CCDC27: variants seen among roughly 807,000 people sequenced by gnomAD.
The protein encoded by CCDC27 is coiled-coil domain containing 27, also known as coiled-coil domain-containing protein 27.
A neutral mutation model predicts 80.3 loss-of-function variants in CCDC27; 80 were observed. The ratio of observed to expected loss-of-function variants is 1.00; its 90% confidence interval spans 0.83 to 1.20. The LOEUF (loss-of-function observed/expected upper bound fraction) is 1.20, where lower values mean the gene tolerates loss of function less well. CCDC27 is among the 50% of genes most tolerant of loss of function. The probability of loss-of-function intolerance (pLI) is 0.00; values close to 1 mark genes in which losing one functional copy is unlikely to be tolerated. For missense variants in CCDC27, 815 were observed against 809.4 expected (o/e 1.01, Z -0.08); for synonymous variants, 342 against 334.3 (o/e 1.02, Z -0.25).
intron 4 of CCDC27, among the ~76,000 whole-genome samples, chr1:3,757,587 G>A (rs959860720): frequency 7.9e-5 from 12 of 151,842 alleles, no homozygotes; most frequent in African/African-American, 2.9e-4. Flanking sequence ...GACTACAGGT[G>A]CGTACCACCA....
rs868489245 is a variant in CCDC27, at chr1:3,763,191, G to T, written c.1038G>T (p.Glu346Asp). 3 of 1,514,814 alleles carry T rather than the reference G, an allele frequency of 2.0e-6. No homozygotes were observed. The highest frequency in any genetic ancestry group is 2.7e-6 in the Non-Finnish European group (3 of 1,128,372). The allele number at this position is 1,514,814 out of a possible 1,614,324, so 93.8% of individuals were successfully genotyped here. A position where few individuals can be genotyped will look rare whatever the true frequency, so the allele number is the denominator to read the frequency against. ...GGEEDEGLEG[E>D]PDGVEDTGAW... ...AGGAGGACGAGGGCCTGGAAGGGGA[G>T]CCCGATGGGGTGGAGGACACGGGTG... Residue 346 changes from glutamate (E) to aspartate (D), a missense_variant, in exon 7 of 12, where the codon GAG (glutamate) becomes GAT (aspartate). Physicochemically the swap from Glu to Asp is conservative, Grantham distance 45. Coordinates refer to ENST00000294600, the MANE Select transcript of CCDC27 (RefSeq NM_152492.3). This position sits in a 1 kb window ranked among gnomAD's most constrained non-coding sequence, Gnocchi z 7.5.
In CCDC27 at chr1:3,752,725, G is replaced by A; in HGVS notation, c.244G>A (p.Glu82Lys). ...SMASRDARCP[E>K]WKPHQKPRTL... Reference sequence around the variant, plus strand: ...GGCCAGCCGGGACGCCCGGTGCCCAGAATGGAAACCGCACCAAAAGCCACG... The same window carrying A: ...GGCCAGCCGGGACGCCCGGTGCCCAAAATGGAAACCGCACCAAAAGCCACG... The change falls in exon 1 of 12, where the codon GAA becomes AAA. Residue 82 changes from glutamate (E) to lysine (K), a missense_variant. Transcript: ENST00000294600. 1 of 1,613,868 alleles carries A rather than the reference G, an allele frequency of 6.2e-7. No homozygotes were observed. The highest frequency in any genetic ancestry group is 8.5e-7 in the Non-Finnish European group (1 of 1,180,050).
In CCDC27 at chr1:3,766,659, A is replaced by T; in HGVS notation, c.1530+47A>T. The T allele has an allele frequency of 6.6e-7, 1 of 1,516,094 alleles. No homozygotes were observed. The highest frequency in any genetic ancestry group is 9.1e-7 in the Non-Finnish European group (1 of 1,094,426). The allele number at this position is 1,516,094 out of a possible 1,614,324, so 93.9% of individuals were successfully genotyped here. ...AATGATCAGCCAGGCCACTGTTCTT[A>T]CTGTAAGTCCCAACACAGCAAAGGG... is the stretch of plus-strand genomic sequence containing the variant. On this transcript the variant is annotated intron_variant, in intron 9 of 11. Transcript: ENST00000294600. The surrounding 1 kb of genome is among the most constrained non-coding windows in gnomAD (Gnocchi z 6.1).
chr1:3,757,415 C>CT (rs575785541), intron 4 of CCDC27, among the ~76,000 whole-genome samples: 1 of 151,796 alleles, frequency 6.6e-6, no homozygotes, highest in East Asian at 1.9e-4. Context: ...TATTTATTTT[C>CT]TTTTTTTATT....
chr1:3,763,807 A>G lies in CCDC27; in HGVS notation c.1423A>G (p.Arg475Gly), dbSNP rs1234703275. The G allele has an allele frequency of 6.2e-7, 1 of 1,613,650 alleles. No homozygotes were observed. The highest frequency in any genetic ancestry group is 8.5e-7 in the Non-Finnish European group (1 of 1,179,932). The change falls in exon 8 of 12, where the codon AGG (arginine) becomes GGG (glycine). Residue 475 changes from arginine (R) to glycine (G), a missense_variant. Transcript: ENST00000294600. This position sits in a 1 kb window ranked among gnomAD's most constrained non-coding sequence, Gnocchi z 7.5. Reference protein sequence around the residue: ...ETLQKELRERRQQLQAMTDKF... With the variant: ...ETLQKELRERGQQLQAMTDKF... ...GCTGCAGAAGGAGCTCCGAGAGCGG[A>G]GGCAGCAGCTACAAGCCATGACCGA...
In CCDC27 at chr1:3,761,582, T is replaced by A; in HGVS notation, c.861+152T>A. ...CTGGAACGTGGACCGGTTCTCAGGG[T>A]TCTGATCAACAGGCAGGGGAGAGGC... On this transcript the variant is annotated intron_variant, in intron 5 of 11. Coordinates refer to ENST00000294600, the MANE Select transcript of CCDC27 (RefSeq NM_152492.3). The surrounding 1 kb of genome is among the most constrained non-coding windows in gnomAD (Gnocchi z 5.0). 1.1e-6 allele frequency: 1 copy of A among 906,298 alleles called. No homozygotes were observed. The highest frequency in any genetic ancestry group is 2.0e-5 in the South Asian group (1 of 50,944). 56.1% of individuals were successfully genotyped at this position (906,298 alleles called of 1,614,324 possible).
At chr1:3,770,600 CTGCT>C (rs567696753) in intron 11 of CCDC27, among the ~76,000 whole-genome samples, 1 of 152,350 alleles carries the variant, frequency 6.6e-6, no homozygotes, top group African/African-American at 2.4e-5. Flanking sequence ...TCACCAGGAG[CTGCT>C]TTTGTTCCCA....
At chr1:3,756,942 C>T (rs543977904) in intron 4 of CCDC27, 52 bp downstream of exon 4, 94 of 1,567,670 alleles carry the variant, frequency 6.0e-5, no homozygotes, top group African/African-American at 1.2e-4. Flanking sequence ...TCTCTGCGTC[C>T]GGCTGGGAGG....
chr1:3,754,173 G>T lies in CCDC27; in HGVS notation c.374G>T (p.Arg125Leu). The change falls in exon 2 of 12, where the codon CGA becomes CTA. Residue 125 changes from arginine (R) to leucine (L), a missense_variant. Physicochemically the swap from Arg to Leu is moderately radical, Grantham distance 102. Transcript: ENST00000294600. ...GGCTTCATGTCCAAAATGGAACTTC[G>T]AAGGGTCTTCCCCACGCATCCTGAC... is the stretch of plus-strand genomic sequence containing the variant. ...LTGFMSKMELRRVFPTHPDCP... is the reference protein window; with the variant it reads ...LTGFMSKMELLRVFPTHPDCP... The T allele has an allele frequency of 6.2e-7, 1 of 1,613,772 alleles. No homozygotes were observed.
chr1:3,767,109 G>A, intron 9 of CCDC27, 124 bp from the exon 10 acceptor site: 1 of 797,828 alleles, frequency 1.3e-6, no homozygotes. Flanking sequence ...AAAGTGCTGG[G>A]ATTACAGGCG....
chr1:3,765,476 TC>T (rs1345851223), intron 8 of CCDC27, among the ~76,000 whole-genome samples: 5 of 152,244 alleles, frequency 3.3e-5, no homozygotes, highest in Non-Finnish European at 2.9e-5. Flanking sequence ...TTATCTGTTA[TC>T]TCAACCTTTT....
intron 4 of CCDC27, among the ~76,000 whole-genome samples, chr1:3,757,532 C>T (rs1642986643): frequency 6.6e-6 from 1 of 151,846 alleles, no homozygotes; most frequent in Non-Finnish European, 1.5e-5. Context: ...CCTTGAGCTC[C>T]CTGAGCTCAA....
chr1:3,756,665 TC>T (rs1642962343), intron 3 of CCDC27, 67 bp from the exon 4 acceptor site: 1 of 1,562,248 alleles, frequency 6.4e-7, no homozygotes, highest in African/African-American at 1.4e-5. Context: ...GATGTCGTCA[TC>T]GAAGACGCCA....
chr1:3,752,828 C>T (rs778354018), intron 1 of CCDC27, 29 bp downstream of exon 1: 39 of 1,597,564 alleles, frequency 2.4e-5, no homozygotes, highest in Admixed American at 5.1e-5. Flanking sequence ...AGGGCTGCCA[C>T]GAGCCTTGAG....
At position 3,763,786 on chromosome 1, in the gene CCDC27, C is replaced by A; in HGVS notation, c.1402C>A (p.Gln468Lys). 6.2e-7 allele frequency: 1 copy of A among 1,614,146 alleles called. No individual in the cohort carries two copies. Among genetic ancestry groups the A allele is most frequent in the Non-Finnish European group, 8.5e-7 (1 of 1,179,994 alleles). ...GATCAATACGGAAAATGAGACGCTGCAGAAGGAGCTCCGAGAGCGGAGGCA... is the reference window on the plus strand; with the variant it reads ...GATCAATACGGAAAATGAGACGCTGAAGAAGGAGCTCCGAGAGCGGAGGCA... Reference protein sequence around the residue: ...RKINTENETLQKELRERRQQL... With the variant: ...RKINTENETLKKELRERRQQL... Residue 468 changes from glutamine to lysine, a missense_variant, in exon 8 of 12, where the codon CAG becomes AAG. By Grantham distance (53) the Gln-to-Lys change is moderately conservative (BLOSUM62 1). Transcript: ENST00000294600. This position sits in a 1 kb window ranked among gnomAD's most constrained non-coding sequence, Gnocchi z 7.5.
rs937961112 is a variant in CCDC27, at chr1:3,771,279, G to A, written c.1849-122G>A. On this transcript the variant is annotated intron_variant, in intron 11 of 11. Coordinates refer to ENST00000294600, the MANE Select transcript of CCDC27 (RefSeq NM_152492.3). ...CACCAGCACACCCCTGCTGCAGCAA[G>A]CCTCTCTGGAGGAGGAGGAGAGGGT... 2.1e-5 allele frequency: 25 copies of A among 1,212,424 alleles called. No individual in the cohort carries two copies. The African/African-American group carries it at 3.8e-4, about 18-fold the overall frequency. 75.1% of individuals were successfully genotyped at this position (1,212,424 alleles called of 1,614,324 possible).
chr1:3,763,139 G>T lies in CCDC27; in HGVS notation c.986G>T (p.Gly329Val). Reference sequence around the variant, plus strand: ...GAGGAGTCTGCGGCACCGGAGAGGGGCAAGGAGCCCGACCTGGGAGGTGGC... The same window carrying T: ...GAGGAGTCTGCGGCACCGGAGAGGGTCAAGGAGCCCGACCTGGGAGGTGGC... ...MQEESAAPERGKEPDLGGGEE... is the reference protein window; with the variant it reads ...MQEESAAPERVKEPDLGGGEE... Residue 329 changes from glycine to valine, a missense_variant, in exon 7 of 12, where the codon GGC becomes GTC. Transcript: ENST00000294600. This position sits in a 1 kb window ranked among gnomAD's most constrained non-coding sequence, Gnocchi z 7.5. The T allele has an allele frequency of 6.7e-7, 1 of 1,485,540 alleles. No homozygotes were observed. The highest frequency in any genetic ancestry group is 2.4e-5 in the East Asian group (1 of 41,840). 92.0% of individuals were successfully genotyped at this position (1,485,540 alleles called of 1,614,324 possible).
chr1:3,764,947 A>G (rs748104659), intron 8 of CCDC27, among the ~76,000 whole-genome samples: 2 of 151,854 alleles, frequency 1.3e-5, no homozygotes, highest in Non-Finnish European at 2.9e-5. Flanking sequence ...AGGCAGGAGA[A>G]TCGCTTGAAC....
At chr1:3,754,305 C>G in intron 2 of CCDC27, 64 bp downstream of exon 2, 2 of 1,484,514 alleles carry the variant, frequency 1.3e-6, no homozygotes, top group South Asian at 1.4e-5. Context: ...CCGGGGGAGG[C>G]CTTCCTGCAC....
Sources: gnomAD v4.1 joint callset for allele counts (sites outside exome capture counted in the v4.1 genomes callset) on GRCh38, gnomAD v4.1.1 for gene constraint, Gnocchi (gnomAD v3.1) non-coding constraint, MANE v1.5 for transcripts, NCBI Gene and HGNC (gene_info 2026-07-23, HGNC 2026-07-21) for gene names.